UBE2E2: variants seen among roughly 807,000 people sequenced by gnomAD.
The protein encoded by UBE2E2 is ubiquitin conjugating enzyme E2 E2.
UBE2E2 carries 6 observed loss-of-function variants against 24.7 expected under a neutral mutation model. The observed-to-expected ratio is 0.24, with a 90% CI of 0.13 to 0.48. The LOEUF (loss-of-function observed/expected upper bound fraction) is 0.48, where lower values mean the gene tolerates loss of function less well. UBE2E2 is among the 20% of genes least tolerant of loss of function. The pLI is 0.99. For missense variants in UBE2E2, 169 were observed against 245.0 expected, an observed-to-expected ratio of 0.69 and a Z score of 2.07; for synonymous variants, 104 against 83.6, an observed-to-expected ratio of 1.24 and a Z score of -1.33.
intron 3 of UBE2E2, among the ~76,000 whole-genome samples, chr3:23,498,840 T>C (rs1353405816): frequency 6.6e-6 from 1 of 152,176 alleles, no homozygotes; most frequent in Non-Finnish European, 1.5e-5. Flanking sequence ...AGAGAACTAA[T>C]ACAATTCACT....
At chr3:23,353,562 A>C (rs1315930037) in intron 3 of UBE2E2, among the ~76,000 whole-genome samples, 1 of 152,228 alleles carries the variant, frequency 6.6e-6, no homozygotes, top group African/African-American at 2.4e-5. Flanking sequence ...ATCAATGTAC[A>C]AAAATCACAA....
chr3:23,228,577 T>A (rs569204965), intron 3 of UBE2E2, among the ~76,000 whole-genome samples: 1 of 152,226 alleles, frequency 6.6e-6, no homozygotes, highest in African/African-American at 2.4e-5. Context: ...CTAAGCTTTA[T>A]TGCAAACAAA....
chr3:23,212,932 A>C (rs1310367415), intron 2 of UBE2E2, among the ~76,000 whole-genome samples: 2 of 152,096 alleles, frequency 1.3e-5, no homozygotes, highest in East Asian at 1.9e-4. Flanking sequence ...TTGCAATGGC[A>C]ATGTGTTTTC....
intron 1 of UBE2E2, among the ~76,000 whole-genome samples, chr3:23,206,448 A>T (rs1332970386): frequency 6.6e-6 from 1 of 152,206 alleles, no homozygotes; most frequent in African/African-American, 2.4e-5. Context: ...TGCTCATAAA[A>T]GATGTCACAG....
intron 5 of UBE2E2, among the ~76,000 whole-genome samples, chr3:23,560,569 T>C (rs1695902176): frequency 1.3e-5 from 2 of 152,130 alleles, no homozygotes; most frequent in South Asian, 4.2e-4. Flanking sequence ...TATAATCCTT[T>C]GGGTATACGC....
At chr3:23,482,716 T>G (rs766968808) in intron 3 of UBE2E2, among the ~76,000 whole-genome samples, 9 of 152,126 alleles carry the variant, frequency 5.9e-5, no homozygotes, top group Non-Finnish European at 1.2e-4. Context: ...ACTGCAAAGT[T>G]TTAGGAAATC....
At chr3:23,304,315 A>T (rs951034908) in intron 3 of UBE2E2, among the ~76,000 whole-genome samples, 1 of 152,332 alleles carries the variant, frequency 6.6e-6, no homozygotes, top group Middle Eastern at 3.4e-3. Context: ...TTTCCACATT[A>T]TTAAAATTAG....
chr3:23,206,186 T>C (rs1245927034), intron 1 of UBE2E2, among the ~76,000 whole-genome samples: 3 of 152,226 alleles, frequency 2.0e-5, no homozygotes, highest in African/African-American at 7.2e-5. Context: ...CTGAGCACCT[T>C]TCCCTGAGGA....
intron 3 of UBE2E2, among the ~76,000 whole-genome samples, chr3:23,406,939 G>T (rs180678444): frequency 4.3e-4 from 66 of 152,348 alleles, no homozygotes; most frequent in Non-Finnish European, 6.6e-4. Context: ...TATGAAGTCA[G>T]TGTCCCCCAT....
intron 3 of UBE2E2, chr3:23,271,090 G>C (rs928968001): frequency 6.6e-6 from 3 of 451,356 alleles, no homozygotes; most frequent in African/African-American, 6.0e-5. Context: ...GATGATAGCA[G>C]TAATGAAGAG....
chr3:23,316,669 A>C (rs1310963144), intron 3 of UBE2E2, among the ~76,000 whole-genome samples: 2 of 151,656 alleles, frequency 1.3e-5, no homozygotes, highest in Non-Finnish European at 2.9e-5. Flanking sequence ...AAGCAGAAGG[A>C]GTCTCTCCCA....
chr3:23,549,523 ACTAG>A (rs1297346801), intron 5 of UBE2E2, among the ~76,000 whole-genome samples: 1 of 152,140 alleles, frequency 6.6e-6, no homozygotes, highest in East Asian at 1.9e-4. Flanking sequence ...TCTCTCACTA[ACTAG>A]CTAGTGACCT....
chr3:23,381,412 C>T (rs1205431488), intron 3 of UBE2E2, among the ~76,000 whole-genome samples: 3 of 45,330 alleles, frequency 6.6e-5, no homozygotes, highest in Non-Finnish European at 1.3e-4. Context: ...GATCATATGG[C>T]ATTAGTTTAT....
rs552745786 is a variant in UBE2E2, at chr3:23,358,798, C to T, written c.228-140810C>T. 9.2e-5 allele frequency among the ~76,000 whole-genome samples: 14 copies of T among 152,324 alleles called. No individual in the cohort carries two copies. The East Asian group carries it at 2.5e-3, about 27-fold the overall frequency. ...TGCTTTAAGTTATTGTGCCATTGTG[C>T]ATGAACTAACATGGGTTGTTGAGTG... On this transcript the variant is annotated intron_variant, in intron 3 of 5. Transcript: ENST00000396703.
intron 3 of UBE2E2, among the ~76,000 whole-genome samples, chr3:23,456,255 C>T (rs1417888484): frequency 6.6e-6 from 1 of 152,220 alleles, no homozygotes; most frequent in South Asian, 2.1e-4. Flanking sequence ...CCATTGAAAT[C>T]AAACCCCTCA....
intron 3 of UBE2E2, among the ~76,000 whole-genome samples, chr3:23,304,198 G>A (rs1013049167): frequency 2.6e-5 from 4 of 152,150 alleles, no homozygotes; most frequent in Admixed American, 6.6e-5. Context: ...GGTCAAAGAC[G>A]TAAGTGTGGT....
In UBE2E2 at chr3:23,217,278, G is replaced by A; in HGVS notation, c.193G>A (p.Ala65Thr). The change falls in exon 3 of 6, where the codon GCA (alanine) becomes ACA (threonine). Residue 65 changes from alanine (A) to threonine (T), a missense_variant. By Grantham distance (58) the Ala-to-Thr change is moderately conservative. Coordinates refer to ENST00000396703, the MANE Select transcript of UBE2E2 (RefSeq NM_152653.4). ...TSAKRIQKEL[A>T]EITLDPPPNC... The stretch of plus-strand genomic sequence containing the variant: ...ATTTTAAAGAATTCAGAAGGAACTT[G>A]CAGAAATCACATTGGACCCTCCTCC... 1 of 1,612,732 alleles carries A rather than the reference G, an allele frequency of 6.2e-7. No homozygotes were observed. The highest frequency in any genetic ancestry group is 1.3e-5 in the African/African-American group (1 of 74,974).
intron 3 of UBE2E2, among the ~76,000 whole-genome samples, chr3:23,302,710 GTTAATT>G (rs1337647023): frequency 6.6e-6 from 1 of 152,220 alleles, no homozygotes; most frequent in Non-Finnish European, 1.5e-5. Context: ...AGATCTGTCA[GTTAATT>G]TCCTATATAC....
At chr3:23,582,291 T>C (rs1163919137) in intron 5 of UBE2E2, among the ~76,000 whole-genome samples, 1 of 152,202 alleles carries the variant, frequency 6.6e-6, no homozygotes, top group African/African-American at 2.4e-5. Context: ...TTTTTTTCTT[T>C]ATCTAGATAG....
Sources: allele counts gnomAD v4.1 joint callset (sites outside exome capture counted in the v4.1 genomes callset), GRCh38; gene constraint gnomAD v4.1.1; transcripts MANE v1.5; gene names NCBI Gene and HGNC (gene_info 2026-07-23, HGNC 2026-07-21).